IMMP2L: variants seen among roughly 807,000 people sequenced by gnomAD.
IMMP2L encodes mitochondrial inner membrane protease subunit 2.
Under a neutral mutation model 19.3 loss-of-function variants are expected in IMMP2L, and 18 were observed. The observed-to-expected ratio is 0.93, with a 90% CI of 0.64 to 1.38. The LOEUF (loss-of-function observed/expected upper bound fraction) is 1.38, where lower values mean the gene tolerates loss of function less well. IMMP2L is among the 40% of genes most tolerant of loss of function. IMMP2L has a pLI of 0.00. For synonymous variants in IMMP2L, 76 were observed against 73.0 expected, an observed-to-expected ratio of 1.04 and a Z score of -0.21; for missense variants, 233 against 218.2, an observed-to-expected ratio of 1.07 and a Z score of -0.43.
In IMMP2L at chr7:110,728,414, G is replaced by A. The variant is rs1031271162; in HGVS notation, c.409-64693C>T. Among the ~76,000 whole-genome samples the A allele has an allele frequency of 9.2e-5, 14 of 151,970 alleles. No homozygotes were observed. The highest frequency in any genetic ancestry group is 1.3e-4 in the Non-Finnish European group (9 of 67,996). On this transcript the variant is annotated intron_variant, in intron 5 of 5. Coordinates refer to ENST00000405709, the MANE Select transcript of IMMP2L (RefSeq NM_032549.4). The surrounding 1 kb of genome is among the most constrained non-coding windows in gnomAD (Gnocchi z 4.6). ...CTCGGGAGGCTGAGGCACGAGAATC[G>A]CTTGAACCTGGGAGGCAGAGGTTGC...
intron 3 of IMMP2L, among the ~76,000 whole-genome samples, chr7:111,326,613 A>T (rs1722514791): frequency 1.3e-5 from 2 of 151,852 alleles, no homozygotes; most frequent in Non-Finnish European, 2.9e-5. Flanking sequence ...ACTAATCATC[A>T]GAAATATGCA....
intron 3 of IMMP2L, among the ~76,000 whole-genome samples, chr7:111,360,047 G>A (rs905533528): frequency 4.6e-5 from 7 of 151,844 alleles, no homozygotes; most frequent in Non-Finnish European, 1.0e-4. Context: ...TTCCTATCCT[G>A]TTGAAATTTA....
rs913618013 is a variant in IMMP2L at position 111,562,120 on chromosome 7, G to C, written c.-272C>G. 2.0e-5 allele frequency: 3 copies of C among 152,594 alleles called. No homozygotes were observed. Among genetic ancestry groups the C allele is most frequent in the African/African-American group, 4.8e-5 (2 of 41,466 alleles). 9.5% of individuals were successfully genotyped at this position (152,594 alleles called of 1,614,324 possible). ...GGGCGCGTTGTTGGGGCGCCGGCTC[G>C]GCGGGGAGGAGCGGGCCAGCTCCGG... On this transcript the variant is annotated 5_prime_UTR_variant, in exon 1 of 6. Transcript: ENST00000405709.
chr7:110,777,778 G>A (rs1037021160), intron 5 of IMMP2L, among the ~76,000 whole-genome samples: 11 of 151,888 alleles, frequency 7.2e-5, no homozygotes, highest in African/African-American at 2.2e-4. Flanking sequence ...AAATCTTAAC[G>A]CCAAATAAAC....
At chr7:111,119,295 A>G (rs1800290660) in intron 3 of IMMP2L, among the ~76,000 whole-genome samples, 1 of 152,196 alleles carries the variant, frequency 6.6e-6, no homozygotes, top group Admixed American at 6.5e-5. Context: ...TCGGAGGGGT[A>G]TATGCTCCCA....
At chr7:111,118,333 G>C (rs1307933264) in intron 3 of IMMP2L, among the ~76,000 whole-genome samples, 1 of 151,950 alleles carries the variant, frequency 6.6e-6, no homozygotes, top group Non-Finnish European at 1.5e-5. Flanking sequence ...TCTTTACTAA[G>C]GAAAAGTAGC....
chr7:110,794,757 C>T (rs891344740), intron 5 of IMMP2L, among the ~76,000 whole-genome samples: 1 of 151,934 alleles, frequency 6.6e-6, no homozygotes, highest in South Asian at 2.1e-4. Flanking sequence ...ATGAAGACCC[C>T]GTAGAATCAT....
chr7:110,679,364 A>C (rs1483675442), intron 5 of IMMP2L, among the ~76,000 whole-genome samples: 1 of 152,168 alleles, frequency 6.6e-6, no homozygotes, highest in Admixed American at 6.6e-5. Context: ...TTCAACAATA[A>C]TCCAAGGTGG....
intron 5 of IMMP2L, among the ~76,000 whole-genome samples, chr7:110,802,677 T>G (rs937580481): frequency 2.0e-5 from 3 of 152,076 alleles, no homozygotes; most frequent in African/African-American, 7.2e-5. Flanking sequence ...ATAGGTTCTT[T>G]CAGTCAGTAA....
intron 3 of IMMP2L, among the ~76,000 whole-genome samples, chr7:111,312,094 A>C (rs1823584994): frequency 6.6e-6 from 1 of 152,114 alleles, no homozygotes; most frequent in South Asian, 2.1e-4. Context: ...CAACATTCCT[A>C]TCTCCCTAAG....
At chr7:111,297,269 CTGCTTT>C (rs1258231269) in intron 3 of IMMP2L, among the ~76,000 whole-genome samples, 1 of 152,030 alleles carries the variant, frequency 6.6e-6, no homozygotes, top group Non-Finnish European at 1.5e-5. Context: ...CATCTCTTCC[CTGCTTT>C]TGATACAGTT....
At chr7:110,762,240 T>C (rs1241776545) in intron 5 of IMMP2L, among the ~76,000 whole-genome samples, 4 of 152,036 alleles carry the variant, frequency 2.6e-5, no homozygotes, top group Non-Finnish European at 5.9e-5. Context: ...GGTAAATGTA[T>C]CACTTTTTTT....
At chr7:111,403,631 AT>A (rs1219309316) in intron 3 of IMMP2L, among the ~76,000 whole-genome samples, 1 of 152,118 alleles carries the variant, frequency 6.6e-6, no homozygotes, top group African/African-American at 2.4e-5. Context: ...CAACTATTTT[AT>A]TTATTACACA....
intron 3 of IMMP2L, among the ~76,000 whole-genome samples, chr7:111,289,776 C>T (rs1820887773): frequency 1.3e-5 from 2 of 151,700 alleles, no homozygotes; most frequent in African/African-American, 4.8e-5. Context: ...GGCTCTGCCT[C>T]CCCAGCTCAA....
At chr7:110,774,039 G>A (rs1799216647) in intron 5 of IMMP2L, among the ~76,000 whole-genome samples, 2 of 151,824 alleles carry the variant, frequency 1.3e-5, no homozygotes, top group Non-Finnish European at 2.9e-5. Flanking sequence ...GCTGTTTAAG[G>A]TTTCTTGTAT....
At chr7:110,900,334 C>A (rs988058839) in intron 4 of IMMP2L, among the ~76,000 whole-genome samples, 1 of 152,092 alleles carries the variant, frequency 6.6e-6, no homozygotes, top group East Asian at 1.9e-4. Flanking sequence ...TAAAGCCAGA[C>A]AGAAAACCAT....
In IMMP2L at chr7:111,353,051, G is replaced by A. The variant is rs544582296; in HGVS notation, c.239+134187C>T. ...CATATAGTTAACCATCTCCATCTAA[G>A]TGATACCATGTCATTCAATATGGGA... is the stretch of plus-strand genomic sequence containing the variant. On this transcript the variant is annotated intron_variant, in intron 3 of 5. Transcript: ENST00000405709. Among the ~76,000 whole-genome samples, 14 of 152,182 alleles carry A rather than the reference G, an allele frequency of 9.2e-5. No homozygotes were observed. The South Asian group carries it at 2.7e-3, about 29-fold the overall frequency.
chr7:111,420,122 C>T (rs1459285795), intron 3 of IMMP2L, among the ~76,000 whole-genome samples: 1 of 151,752 alleles, frequency 6.6e-6, no homozygotes, highest in Non-Finnish European at 1.5e-5. Context: ...AAAAATGTTT[C>T]AATTGTTCTA....
intron 1 of IMMP2L, among the ~76,000 whole-genome samples, chr7:111,553,229 A>G (rs1228955635): frequency 6.6e-6 from 1 of 152,194 alleles, no homozygotes; most frequent in Non-Finnish European, 1.5e-5. Flanking sequence ...GAATGAGTAG[A>G]GAAAACAGAT....
Sources: allele counts gnomAD v4.1 joint callset (sites outside exome capture counted in the v4.1 genomes callset), GRCh38; gene constraint gnomAD v4.1.1; non-coding constraint Gnocchi (gnomAD v3.1); transcripts MANE v1.5; gene names NCBI Gene and HGNC (gene_info 2026-07-23, HGNC 2026-07-21).